GREB1L: variants seen among roughly 807,000 people sequenced by gnomAD.
GREB1L encodes GREB1-like protein.
Under a neutral mutation model 200.8 loss-of-function variants are expected in GREB1L, and 17 were observed. That is an observed-to-expected ratio of 0.08 (90% CI 0.06 to 0.13). The LOEUF (loss-of-function observed/expected upper bound fraction) is 0.13. Among genes scored for constraint, GREB1L ranks in the 10% least tolerant of loss-of-function variants. GREB1L has a pLI of 1.00. For missense variants in GREB1L, 1,657 were observed against 2,367.7 expected (o/e 0.70, Z 6.23); for synonymous variants, 789 against 893.0 (o/e 0.88, Z 2.08).
chr18:21,260,604 G>C (rs530408885), intron 1 of GREB1L, among the ~76,000 whole-genome samples: 1 of 152,026 alleles, frequency 6.6e-6, no homozygotes, highest in East Asian at 1.9e-4. Context: ...TAGTAATTCT[G>C]TTTTGTCTTA....
At chr18:21,342,169 G>GAA (rs1319718302) in intron 1 of GREB1L, among the ~76,000 whole-genome samples, 3 of 152,024 alleles carry the variant, frequency 2.0e-5, no homozygotes, top group African/African-American at 7.3e-5. Context: ...CTGAATTGAT[G>GAA]TTCAGTCCAT....
At chr18:21,482,883 A>G (rs1374210984) in intron 17 of GREB1L, among the ~76,000 whole-genome samples, 1 of 152,158 alleles carries the variant, frequency 6.6e-6, no homozygotes, top group Non-Finnish European at 1.5e-5. Context: ...ATAGTGATTC[A>G]ATAAGTCAGA....
chr18:21,387,615 A>G (rs1397469986), intron 4 of GREB1L: 6 of 152,258 alleles, frequency 3.9e-5, no homozygotes, highest in African/African-American at 1.4e-4. Flanking sequence ...TCAGTCCTTC[A>G]GAATTATTTA....
intron 4 of GREB1L, among the ~76,000 whole-genome samples, chr18:21,388,533 CTTTTTTTTTTTTT>C (rs768141691): frequency 2.7e-5 from 2 of 74,650 alleles, no homozygotes; most frequent in Non-Finnish European, 4.6e-5. Context: ...CCTTAGGTTC[CTTTTTTTTTTTTT>C]TTTTTTTTTT....
chr18:21,469,080 T>C (rs879535783), intron 15 of GREB1L, among the ~76,000 whole-genome samples: 4 of 152,236 alleles, frequency 2.6e-5, no homozygotes, highest in Non-Finnish European at 5.9e-5. Flanking sequence ...CTTGTGGAAA[T>C]ATTTTGAGCA....
At chr18:21,417,208 C>A (rs1398367971) in intron 7 of GREB1L, among the ~76,000 whole-genome samples, 1 of 151,866 alleles carries the variant, frequency 6.6e-6, no homozygotes, top group African/African-American at 2.4e-5. Flanking sequence ...TAAAGTTAAC[C>A]TAGAATTCTA....
At chr18:21,352,979 A>AGGTCAG (rs1161368082) in intron 1 of GREB1L, among the ~76,000 whole-genome samples, 7 of 152,076 alleles carry the variant, frequency 4.6e-5, no homozygotes, top group Non-Finnish European at 1.0e-4. Flanking sequence ...CAGGAGATTG[A>AGGTCAG]GACCATCCTG....
chr18:21,380,142 C>G (rs2040242423), intron 2 of GREB1L: 1 of 152,158 alleles, frequency 6.6e-6, no homozygotes, highest in African/African-American at 2.4e-5. Context: ...AAAGCTTTGA[C>G]AAACCCAGCC....
At chr18:21,334,169 G>GT (rs2039149973) in intron 1 of GREB1L, among the ~76,000 whole-genome samples, 1 of 152,114 alleles carries the variant, frequency 6.6e-6, no homozygotes, top group South Asian at 2.1e-4. Flanking sequence ...GCTAATGTTA[G>GT]TAAGTTTTGC....
At chr18:21,453,647 T>C (rs1248545825) in intron 14 of GREB1L, among the ~76,000 whole-genome samples, 1 of 152,186 alleles carries the variant, frequency 6.6e-6, no homozygotes, top group East Asian at 1.9e-4. Context: ...GTTTTTGTAA[T>C]ATGTCACCTG....
At chr18:21,491,227 T>G (rs2036321817) in intron 19 of GREB1L, among the ~76,000 whole-genome samples, 1 of 152,174 alleles carries the variant, frequency 6.6e-6, no homozygotes, top group African/African-American at 2.4e-5. Context: ...CTGCGCCCTA[T>G]ACATTAAATG....
chr18:21,269,846 C>T (rs558383416), intron 1 of GREB1L, among the ~76,000 whole-genome samples: 3 of 151,838 alleles, frequency 2.0e-5, no homozygotes, highest in African/African-American at 7.3e-5. Context: ...TGATTTATAC[C>T]GGGCATCTCT....
intron 1 of GREB1L, among the ~76,000 whole-genome samples, chr18:21,337,844 G>A (rs1239029486): frequency 6.6e-6 from 1 of 151,950 alleles, no homozygotes; most frequent in Admixed American, 6.6e-5. Flanking sequence ...ACAATTAGCT[G>A]GGCGTGGTGG....
At chr18:21,405,949 T>C (rs1360084909) in intron 7 of GREB1L, among the ~76,000 whole-genome samples, 1 of 150,804 alleles carries the variant, frequency 6.6e-6, no homozygotes, top group African/African-American at 2.4e-5. Flanking sequence ...CTGGGCAACA[T>C]AGTGAAACCC....
intron 15 of GREB1L, among the ~76,000 whole-genome samples, chr18:21,470,769 GGAAA>G (rs1467585093): frequency 9.9e-5 from 15 of 151,836 alleles, no homozygotes; most frequent in Admixed American, 5.3e-4. Flanking sequence ...AAAAAAAACA[GGAAA>G]GAAAGCACAA....
intron 1 of GREB1L, among the ~76,000 whole-genome samples, chr18:21,242,979 T>G (rs536477746): frequency 6.6e-6 from 1 of 152,076 alleles, no homozygotes; most frequent in South Asian, 2.1e-4. Flanking sequence ...CGTCTGTGGG[T>G]TTTTTTCCTC....
chr18:21,482,599 T>C (rs2035962659), intron 17 of GREB1L, among the ~76,000 whole-genome samples: 1 of 151,298 alleles, frequency 6.6e-6, no homozygotes, highest in Non-Finnish European at 1.5e-5. Flanking sequence ...GAGACTGACT[T>C]TGAGTTAAGA....
At chr18:21,252,605 A>C (rs143974645) in intron 1 of GREB1L, among the ~76,000 whole-genome samples, 2,058 of 146,230 alleles carry the variant, frequency 0.014, 51 homozygotes, top group African/African-American at 0.05. Context: ...CAGTGGCTCA[A>C]GCTTGTAATC....
At chr18:21,478,431 T>G (rs1384220607) in intron 17 of GREB1L, among the ~76,000 whole-genome samples, 1 of 152,208 alleles carries the variant, frequency 6.6e-6, no homozygotes, top group Non-Finnish European at 1.5e-5. Context: ...TTGAACACAC[T>G]GGATATTTTA....
Sources: allele counts gnomAD v4.1 joint callset (sites outside exome capture counted in the v4.1 genomes callset), GRCh38; gene constraint gnomAD v4.1.1; transcripts MANE v1.5; gene names NCBI Gene and HGNC (gene_info 2026-07-23, HGNC 2026-07-21).